The following GALNT13 variants were observed in gnomAD, a reference collection of about 807,000 sequenced individuals.
GALNT13 encodes polypeptide N-acetylgalactosaminyltransferase 13, also known as UDP-GalNAc:polypeptide N-acetylgalactosaminyltransferase 13.
Under a neutral mutation model 64.2 loss-of-function variants are expected in GALNT13, and 28 were observed. The observed-to-expected ratio is 0.44, with a 90% CI of 0.32 to 0.60. The LOEUF (loss-of-function observed/expected upper bound fraction) is 0.60. GALNT13 is among the 20% of genes least tolerant of loss of function. The pLI is 0.05. For synonymous variants in GALNT13, 214 were observed against 224.6 expected (o/e 0.95, Z 0.42); for missense variants, 577 against 669.8 (o/e 0.86, Z 1.53).
chr2:153,180,393 A>G, the GALNT13 span, among the ~76,000 whole-genome samples: 2 of 152,190 alleles, frequency 1.3e-5, no homozygotes, highest in Admixed American at 1.3e-4. Flanking sequence ...ATAATGATGA[A>G]TGATCCTTTA....
the GALNT13 span, among the ~76,000 whole-genome samples, chr2:153,704,976 C>T: frequency 6.6e-5 from 10 of 152,014 alleles, no homozygotes; most frequent in Non-Finnish European, 1.2e-4. Context: ...ATTCAATAAC[C>T]TCATTTATAC....
chr2:153,697,703 G>A, the GALNT13 span, among the ~76,000 whole-genome samples: 6 of 152,250 alleles, frequency 3.9e-5, no homozygotes, highest in African/African-American at 9.6e-5. Flanking sequence ...GGGTAGAAGC[G>A]GAAAGCTGAT....
At chr2:154,008,928 G>A (rs1174977738) in intron 3 of GALNT13, among the ~76,000 whole-genome samples, 1 of 152,094 alleles carries the variant, frequency 6.6e-6, no homozygotes, top group Non-Finnish European at 1.5e-5. Context: ...TTTTATGGTA[G>A]AACAATTATT....
chr2:153,557,338 C>A, the GALNT13 span, among the ~76,000 whole-genome samples: 1 of 152,276 alleles, frequency 6.6e-6, no homozygotes, highest in African/African-American at 2.4e-5. Flanking sequence ...ATGATGTTTT[C>A]ACAAATACGA....
chr2:153,204,479 CTTTTCT>C, the GALNT13 span, among the ~76,000 whole-genome samples: 1 of 151,964 alleles, frequency 6.6e-6, no homozygotes, highest in Non-Finnish European at 1.5e-5. Flanking sequence ...TACTTACTGG[CTTTTCT>C]TTTTCAAGAC....
intron 9 of GALNT13, among the ~76,000 whole-genome samples, chr2:154,334,596 A>G (rs1574106058): frequency 9.0e-6 from 1 of 110,990 alleles, no homozygotes; most frequent in Non-Finnish European, 2.0e-5. Context: ...CTTGCATCAG[A>G]AAACTTGCCA....
intron 4 of GALNT13, among the ~76,000 whole-genome samples, chr2:154,142,171 G>C (rs767673643): frequency 6.6e-6 from 1 of 152,144 alleles, no homozygotes; most frequent in Non-Finnish European, 1.5e-5. Flanking sequence ...GCCACCTCTA[G>C]TGGGCTACAT....
At chr2:154,395,942 TA>T in intron 9 of GALNT13, 48 bp from the exon 10 acceptor site, 2 of 1,528,146 alleles carry the variant, frequency 1.3e-6, no homozygotes, top group Non-Finnish European at 8.8e-7. Context: ...AAAACAGTAC[TA>T]AAACAAAAAT....
At chr2:153,434,142 C>A in the GALNT13 span, among the ~76,000 whole-genome samples, 1 of 152,104 alleles carries the variant, frequency 6.6e-6, no homozygotes, top group Non-Finnish European at 1.5e-5. Context: ...ATCCATGTCC[C>A]TACAAAGGAC....
chr2:153,394,982 A>C, the GALNT13 span, among the ~76,000 whole-genome samples: 2 of 152,110 alleles, frequency 1.3e-5, no homozygotes, highest in African/African-American at 2.4e-5. Context: ...CTTTGTTGGC[A>C]CAATTAACTT....
the GALNT13 span, among the ~76,000 whole-genome samples, chr2:153,630,808 T>TATATATATTTATTTA: frequency 7.1e-4 from 12 of 16,976 alleles, no homozygotes; most frequent in Non-Finnish European, 9.6e-4. Flanking sequence ...TATATATATA[T>TATATATATTTATTTA]TTTTTTTTTT....
the GALNT13 span, among the ~76,000 whole-genome samples, chr2:153,691,543 T>C: frequency 6.6e-6 from 1 of 152,276 alleles, no homozygotes; most frequent in African/African-American, 2.4e-5. Flanking sequence ...TAAAAATTCC[T>C]ATGTGTCAAC....
At chr2:153,722,057 G>T in the GALNT13 span, among the ~76,000 whole-genome samples, 2 of 149,806 alleles carry the variant, frequency 1.3e-5, no homozygotes, top group Non-Finnish European at 2.9e-5. Flanking sequence ...ATAGTTGGAA[G>T]TAAAGCTCTC....
At chr2:153,334,650 T>G in the GALNT13 span, among the ~76,000 whole-genome samples, 1 of 152,356 alleles carries the variant, frequency 6.6e-6, no homozygotes, top group East Asian at 1.9e-4. Context: ...TAGTTGCCTT[T>G]AAGATATGAA....
In GALNT13 at chr2:154,453,107, G is replaced by C. The variant is rs1701932917; in HGVS notation, c.*2556G>C. ...GAATGACTTGCCACCATATCCACTA[G>C]GTGTCACTACCTCTAACCTTTTTAA... On this transcript the variant is annotated 3_prime_UTR_variant, in exon 13 of 13. Transcript: ENST00000392825. 6.6e-6 allele frequency: 1 copy of C among 152,050 alleles called. No homozygotes were observed. The highest frequency in any genetic ancestry group is 1.5e-5 in the Non-Finnish European group (1 of 68,020). The allele number at this position is 152,050 out of a possible 1,614,324, so 9.4% of individuals were successfully genotyped here. A position where few individuals can be genotyped will look rare whatever the true frequency, so the allele number is the denominator to read the frequency against.
At chr2:154,040,671 C>A (rs951707266) in intron 3 of GALNT13, among the ~76,000 whole-genome samples, 2 of 140,088 alleles carry the variant, frequency 1.4e-5, no homozygotes, top group East Asian at 2.0e-4. Context: ...TTTAAAGTTA[C>A]TTTAATGATA....
At chr2:154,408,916 A>G in intron 10 of GALNT13, 68 bp from the exon 11 acceptor site, 1 of 924,518 alleles carries the variant, frequency 1.1e-6, no homozygotes, top group South Asian at 1.4e-5. Flanking sequence ...TAACATGAGA[A>G]GGATTTGATG....
At chr2:153,223,097 T>C in the GALNT13 span, among the ~76,000 whole-genome samples, 1 of 152,194 alleles carries the variant, frequency 6.6e-6, no homozygotes, top group Non-Finnish European at 1.5e-5. Context: ...TAAATGATGA[T>C]AACGAGAAAA....
intron 3 of GALNT13, among the ~76,000 whole-genome samples, chr2:154,119,338 T>G (rs1453037354): frequency 6.6e-6 from 1 of 152,184 alleles, no homozygotes; most frequent in Admixed American, 6.6e-5. Context: ...AATGTTTGTC[T>G]TGTTTCTTGC....
Sources: gnomAD v4.1 joint callset for allele counts (sites outside exome capture counted in the v4.1 genomes callset) on GRCh38, gnomAD v4.1.1 for gene constraint, MANE v1.5 for transcripts, NCBI Gene and HGNC (gene_info 2026-07-23, HGNC 2026-07-21) for gene names.